The following DDX46 variants were observed in gnomAD, a reference collection of about 807,000 sequenced individuals.
DDX46 encodes DEAD-box helicase 46, also known as probable ATP-dependent RNA helicase DDX46.
In DDX46, 30 loss-of-function variants were observed where a neutral mutation model predicts 134.9. That is an observed-to-expected ratio of 0.22 (90% CI 0.17 to 0.30). The LOEUF is 0.30. Among genes scored for constraint, DDX46 ranks in the 10% least tolerant of loss-of-function variants. The probability of loss-of-function intolerance (pLI) is 1.00; values close to 1 mark genes in which losing one functional copy is unlikely to be tolerated. For missense variants in DDX46, 622 were observed against 1,248.7 expected, an observed-to-expected ratio of 0.50 and a Z score of 7.56; for synonymous variants, 415 against 404.1, an observed-to-expected ratio of 1.03 and a Z score of -0.32.
chr5:134,820,722 A>T (rs888049024), intron 21 of DDX46, among the ~76,000 whole-genome samples: 1 of 152,256 alleles, frequency 6.6e-6, no homozygotes, highest in Non-Finnish European at 1.5e-5. Flanking sequence ...TGTACAGTTC[A>T]GTCCTCAGTA....
At chr5:134,817,321 A>G in intron 19 of DDX46, 175 bp from the exon 20 acceptor site, 1 of 617,926 alleles carries the variant, frequency 1.6e-6, no homozygotes, top group Non-Finnish European at 2.7e-6. Context: ...ACATTAAACT[A>G]CATTATAAAT....
intron 4 of DDX46, among the ~76,000 whole-genome samples, 165 bp from the exon 5 acceptor site, chr5:134,773,531 T>C (rs1046657659): frequency 6.6e-6 from 1 of 152,232 alleles, no homozygotes; most frequent in African/African-American, 2.4e-5. Flanking sequence ...TGTATATTTA[T>C]AAAGGTATGT....
intron 9 of DDX46, 107 bp from the exon 10 acceptor site, chr5:134,784,259 G>A: frequency 8.8e-7 from 1 of 1,133,784 alleles, no homozygotes; most frequent in South Asian, 1.7e-5. Context: ...TTTATTGTAT[G>A]ATATATACCA....
intron 13 of DDX46, 104 bp downstream of exon 13, chr5:134,790,656 T>A (rs1754473215): frequency 2.1e-6 from 2 of 949,840 alleles, no homozygotes; most frequent in Middle Eastern, 2.4e-4. Flanking sequence ...CACACACTTT[T>A]CTGTTGCACG....
At chr5:134,798,566 T>C (rs1754737049) in intron 15 of DDX46, among the ~76,000 whole-genome samples, 1 of 152,216 alleles carries the variant, frequency 6.6e-6, no homozygotes, top group African/African-American at 2.4e-5. Flanking sequence ...TGCTATAACC[T>C]TCACTACTGT....
intron 18 of DDX46, among the ~76,000 whole-genome samples, chr5:134,813,090 C>T (rs1426888948): frequency 6.6e-6 from 1 of 152,184 alleles, no homozygotes; most frequent in Non-Finnish European, 1.5e-5. Flanking sequence ...GACAGGCACG[C>T]GCCACCATGC....
intron 6 of DDX46, 97 bp from the exon 7 acceptor site, chr5:134,781,036 A>G (rs912565614): frequency 6.9e-6 from 6 of 866,698 alleles, no homozygotes; most frequent in African/African-American, 5.3e-5. Context: ...AAGAAAAAAA[A>G]CTAAAGATGA....
At chr5:134,760,789 G>C (rs1343386944) in intron 1 of DDX46, among the ~76,000 whole-genome samples, 1 of 152,034 alleles carries the variant, frequency 6.6e-6, no homozygotes, top group Non-Finnish European at 1.5e-5. Flanking sequence ...GAGTGCAGTG[G>C]TGGGATCTCG....
At chr5:134,815,111 G>A (rs1422942265) in intron 18 of DDX46, among the ~76,000 whole-genome samples, 5 of 152,162 alleles carry the variant, frequency 3.3e-5, no homozygotes, top group Admixed American at 2.0e-4. Flanking sequence ...TTAGCTGGAC[G>A]TGCTAGTGCA....
intron 15 of DDX46, 79 bp from the exon 16 acceptor site, chr5:134,807,669 C>G (rs2150154801): frequency 7.6e-7 from 1 of 1,314,382 alleles, no homozygotes; most frequent in Non-Finnish European, 1.0e-6. Flanking sequence ...ATTTGTTCTT[C>G]ACTGAGTTTA....
At chr5:134,781,027 A>G in intron 6 of DDX46, 106 bp from the exon 7 acceptor site, 1 of 800,356 alleles carries the variant, frequency 1.2e-6, no homozygotes, top group Non-Finnish European at 1.9e-6. Context: ...CACTAAAAAA[A>G]GAAAAAAAAC....
At position 134,785,515 on chromosome 5, in the gene DDX46, T is replaced by A; in HGVS notation, c.1393T>A (p.Cys465Ser). The change falls in exon 11 of 23, where the codon TGT (cysteine) becomes AGT (serine). Residue 465 changes from cysteine to serine, a missense_variant. Coordinates refer to ENST00000452510, the MANE Select transcript of DDX46 (RefSeq NM_001300860.2). ...ACTGGCTTTACAGATTACTAAAGAG[T>A]GTAAGAAGTTTTCCAAGACTTTGGG... ...RELALQITKE[C>S]KKFSKTLGLR... 1 of 1,613,654 alleles carries A rather than the reference T, an allele frequency of 6.2e-7. No individual in the cohort carries two copies. Among genetic ancestry groups the A allele is most frequent in the Non-Finnish European group, 8.5e-7 (1 of 1,179,844 alleles).
At chr5:134,801,703 G>A (rs1754834138) in intron 15 of DDX46, among the ~76,000 whole-genome samples, 1 of 152,082 alleles carries the variant, frequency 6.6e-6, no homozygotes, top group African/African-American at 2.4e-5. Context: ...CTGGCTTATA[G>A]TTCTTTTTTT....
chr5:134,823,614 T>TA (rs961770362), intron 21 of DDX46, among the ~76,000 whole-genome samples: 2 of 152,240 alleles, frequency 1.3e-5, no homozygotes, highest in Non-Finnish European at 2.9e-5. Context: ...AAGTCAGGTT[T>TA]AAAAATGGCA....
In DDX46 at chr5:134,818,880, C is replaced by T; in HGVS notation, c.2853C>T (p.Thr951=). Residue 951 remains threonine, a synonymous_variant, in exon 21 of 23, where the codon ACC becomes ACT. Coordinates refer to ENST00000452510, the MANE Select transcript of DDX46 (RefSeq NM_001300860.2). ...DFPQTARWKV[T]SKEALQRISE... Reference sequence around the variant, plus strand: ...TTTAGACTGCTAGGTGGAAAGTTACCTCTAAGGAAGCTCTGCAGAGAATCA... The same window carrying T: ...TTTAGACTGCTAGGTGGAAAGTTACTTCTAAGGAAGCTCTGCAGAGAATCA... 1 of 1,612,848 alleles carries T rather than the reference C, an allele frequency of 6.2e-7. No homozygotes were observed. The highest frequency in any genetic ancestry group is 8.5e-7 in the Non-Finnish European group (1 of 1,179,534).
At chr5:134,765,867 A>G (rs1753552308) in intron 2 of DDX46, among the ~76,000 whole-genome samples, 1 of 152,250 alleles carries the variant, frequency 6.6e-6, no homozygotes, top group South Asian at 2.1e-4. Context: ...TTGTGGTCCT[A>G]GGAACAATTT....
In DDX46 at chr5:134,763,894, A is replaced by T; in HGVS notation, c.18-10A>T. On this transcript the variant is annotated splice_polypyrimidine_tract_variant and intron_variant, in intron 1 of 22. Coordinates refer to ENST00000452510, the MANE Select transcript of DDX46 (RefSeq NM_001300860.2). ...GTTTGCTGAACTTAATCTTTGACTTATTGTTCTAGCCACTATCGAAAACGA... is the reference window on the plus strand; with the variant it reads ...GTTTGCTGAACTTAATCTTTGACTTTTTGTTCTAGCCACTATCGAAAACGA... 1 of 1,603,316 alleles carries T rather than the reference A, an allele frequency of 6.2e-7. No homozygotes were observed.
At chr5:134,773,578 T>C (rs1291377519) in intron 4 of DDX46, 118 bp from the exon 5 acceptor site, 1 of 1,192,372 alleles carries the variant, frequency 8.4e-7, no homozygotes, top group Non-Finnish European at 1.1e-6. Flanking sequence ...TATATATGCC[T>C]TTTTTCCCCT....
chr5:134,796,467 G>T (rs183643996), intron 15 of DDX46, among the ~76,000 whole-genome samples: 13 of 152,244 alleles, frequency 8.5e-5, no homozygotes, highest in Admixed American at 7.8e-4. Flanking sequence ...ACTTTAAAGA[G>T]CTTTTATTGA....
Sources: allele counts gnomAD v4.1 joint callset (sites outside exome capture counted in the v4.1 genomes callset), GRCh38; gene constraint gnomAD v4.1.1; transcripts MANE v1.5; gene names NCBI Gene and HGNC (gene_info 2026-07-23, HGNC 2026-07-21).